The following RNF220 variants were observed in gnomAD, a reference collection of about 807,000 sequenced individuals.
RNF220 encodes ring finger protein 220.
A neutral mutation model predicts 67.1 loss-of-function variants in RNF220; 7 were observed. That is an observed-to-expected ratio of 0.10 (90% CI 0.06 to 0.20). The LOEUF (loss-of-function observed/expected upper bound fraction) is 0.20. RNF220 is among the 10% of genes least tolerant of loss of function. RNF220 has a pLI of 1.00. For missense variants in RNF220, 565 were observed against 740.3 expected (o/e 0.76, Z 2.75); for synonymous variants, 270 against 283.2 (o/e 0.95, Z 0.47).
chr1:44,561,784 G>A (rs1663592082), intron 2 of RNF220, among the ~76,000 whole-genome samples: 1 of 152,132 alleles, frequency 6.6e-6, no homozygotes, highest in South Asian at 2.1e-4. Flanking sequence ...GGGCATGGTG[G>A]TGCACACCTG....
chr1:44,572,995 C>A, intron 2 of RNF220: 1 of 408,682 alleles, frequency 2.4e-6, no homozygotes, highest in Non-Finnish European at 5.0e-6. Context: ...TTCTCGAGGC[C>A]CTCAAAGAAG....
intron 12 of RNF220, among the ~76,000 whole-genome samples, chr1:44,646,710 G>A (rs1389728789): frequency 6.6e-6 from 1 of 152,140 alleles, no homozygotes; most frequent in Non-Finnish European, 1.5e-5. Flanking sequence ...CCCAAGGCTG[G>A]GGGGAGCCAG....
chr1:44,583,195 G>A (rs564840539), intron 2 of RNF220, among the ~76,000 whole-genome samples: 63 of 151,026 alleles, frequency 4.2e-4, no homozygotes, highest in African/African-American at 1.5e-3. Flanking sequence ...TTTCTCTTTT[G>A]AATTTTGCTT....
intron 2 of RNF220, among the ~76,000 whole-genome samples, chr1:44,422,837 C>T (rs1288902863): frequency 6.6e-6 from 1 of 152,202 alleles, no homozygotes; most frequent in Admixed American, 6.5e-5. Context: ...AGGAATAGTA[C>T]TGCTTCATCT....
chr1:44,442,382 A>G (rs551010373), intron 2 of RNF220, among the ~76,000 whole-genome samples: 1 of 152,138 alleles, frequency 6.6e-6, no homozygotes, highest in African/African-American at 2.4e-5. Context: ...GGCTCAAGCA[A>G]TCCACTCTCC....
chr1:44,569,006 T>A (rs761851915), intron 2 of RNF220, among the ~76,000 whole-genome samples: 10 of 152,182 alleles, frequency 6.6e-5, no homozygotes, highest in Non-Finnish European at 1.3e-4. Flanking sequence ...CAGAACTTGG[T>A]CCATTTCAGA....
chr1:44,637,149 T>C (rs78844250), intron 8 of RNF220, among the ~76,000 whole-genome samples: 41,930 of 152,184 alleles, frequency 0.28, 6,407 homozygotes, highest in South Asian at 0.36. Context: ...TTCTCTGCCT[T>C]CGTGGGGCCG....
chr1:44,576,298 G>C (rs1291121907), intron 2 of RNF220, among the ~76,000 whole-genome samples: 1 of 152,210 alleles, frequency 6.6e-6, no homozygotes, highest in African/African-American at 2.4e-5. Flanking sequence ...GCCAGGAGGA[G>C]TGAACTTTGT....
At chr1:44,436,370 C>A (rs1650970222) in intron 2 of RNF220, among the ~76,000 whole-genome samples, 1 of 151,198 alleles carries the variant, frequency 6.6e-6, no homozygotes, top group African/African-American at 2.4e-5. Flanking sequence ...TTTCTTTTTC[C>A]CTAGGTTTTC....
At chr1:44,463,289 C>T (rs759122207) in intron 2 of RNF220, among the ~76,000 whole-genome samples, 58 of 150,624 alleles carry the variant, frequency 3.9e-4, no homozygotes, top group African/African-American at 1.3e-3. Flanking sequence ...TAGCTGAGAT[C>T]GCACCATTGC....
intron 2 of RNF220, among the ~76,000 whole-genome samples, chr1:44,485,573 A>G (rs9804150): frequency 0.29 from 43,859 of 152,144 alleles, 6,848 homozygotes; most frequent in Middle Eastern, 0.39. Context: ...CAGGAAAGGC[A>G]TTAGTCAGGC....
chr1:44,546,590 A>G (rs1452137148), intron 2 of RNF220, among the ~76,000 whole-genome samples: 2 of 152,164 alleles, frequency 1.3e-5, no homozygotes, highest in Non-Finnish European at 2.9e-5. Flanking sequence ...AATGCTGTAA[A>G]AGGCAAGCAG....
At chr1:44,477,666 G>A (rs1655413634) in intron 2 of RNF220, among the ~76,000 whole-genome samples, 1 of 152,162 alleles carries the variant, frequency 6.6e-6, no homozygotes, top group Non-Finnish European at 1.5e-5. Context: ...CCTTGTAGTA[G>A]GTCTAATCCA....
chr1:44,461,501 G>A (rs949424144), intron 2 of RNF220, among the ~76,000 whole-genome samples: 11 of 152,236 alleles, frequency 7.2e-5, no homozygotes, highest in Non-Finnish European at 1.3e-4. Flanking sequence ...AGCAGAGTTG[G>A]GAGTATATTT....
intron 2 of RNF220, among the ~76,000 whole-genome samples, chr1:44,461,920 C>CTTTTTTTTTTT (rs1445179984): frequency 1.2e-4 from 14 of 118,156 alleles, no homozygotes; most frequent in African/African-American, 3.8e-4. Flanking sequence ...TTTCTTTTTT[C>CTTTTTTTTTTT]TTTGTTTTTT....
intron 2 of RNF220, among the ~76,000 whole-genome samples, chr1:44,481,083 T>TTGAGAGCTAATAGGGG (rs1224412475): frequency 6.6e-6 from 1 of 151,762 alleles, no homozygotes; most frequent in Non-Finnish European, 1.5e-5. Flanking sequence ...GGTGAGAAAA[T>TTGAGAGCTAATAGGGG]GTATGCAGCA....
chr1:44,500,129 T>C (rs145821287), intron 2 of RNF220, among the ~76,000 whole-genome samples: 12 of 152,196 alleles, frequency 7.9e-5, no homozygotes, highest in Admixed American at 1.3e-4. Flanking sequence ...ATTCTGTGAC[T>C]CCTCTGGCTT....
chr1:44,635,092 GATT>G lies in RNF220; in HGVS notation c.950-452_950-450del, dbSNP rs564248094. On this transcript the variant is annotated intron_variant, in intron 6 of 14. Transcript: ENST00000361799. Reference sequence around the variant, plus strand: ...GGCTCTTGGCCCAGGAACCAAAGAGGATTTAGCTGATGAGTGAACAGCAGGCCA... The same window carrying G: ...GGCTCTTGGCCCAGGAACCAAAGAGGTAGCTGATGAGTGAACAGCAGGCCA... 4.7e-3 allele frequency: 731 copies of G among 154,952 alleles called. 9 individuals are homozygous for G. Among genetic ancestry groups the G allele is most frequent in the African/African-American group, 0.017 (690 of 41,654 alleles). 9.6% of individuals were successfully genotyped at this position (154,952 alleles called of 1,614,324 possible).
At chr1:44,638,566 A>G (rs1409303446) in intron 8 of RNF220, among the ~76,000 whole-genome samples, 4 of 152,208 alleles carry the variant, frequency 2.6e-5, no homozygotes, top group Non-Finnish European at 4.4e-5. Flanking sequence ...CCTCTTCTTC[A>G]TCCTCAGCAA....
Sources: gnomAD v4.1 joint callset for allele counts (sites outside exome capture counted in the v4.1 genomes callset) on GRCh38, gnomAD v4.1.1 for gene constraint, MANE v1.5 for transcripts, NCBI Gene and HGNC (gene_info 2026-07-23, HGNC 2026-07-21) for gene names.